SLAIN2: variants seen among roughly 807,000 people sequenced by gnomAD.
SLAIN2 encodes SLAIN motif-containing protein 2.
A neutral mutation model predicts 56.6 loss-of-function variants in SLAIN2; 31 were observed. That is an observed-to-expected ratio of 0.55 (90% confidence interval 0.41 to 0.74). SLAIN2 has a LOEUF of 0.74. Ranked by LOEUF, SLAIN2 falls within the 30% of genes least tolerant of loss-of-function variation. The probability of loss-of-function intolerance (pLI) is 0.00; values close to 1 mark genes in which losing one functional copy is unlikely to be tolerated. For synonymous variants in SLAIN2, 317 were observed against 284.9 expected (o/e 1.11, Z -1.13); for missense variants, 777 against 754.2 (o/e 1.03, Z -0.35).
rs576805291 is a variant in SLAIN2 at position 48,413,623 on chromosome 4, G to T, written c.1361-6502G>T. Reference sequence around the variant, plus strand: ...TATAGTAAGGGATCGTTGACAAGGAGATATTTTTGTCCTTCATTTGTTAAT... The same window carrying T: ...TATAGTAAGGGATCGTTGACAAGGATATATTTTTGTCCTTCATTTGTTAAT... On this transcript the variant is annotated intron_variant, in intron 6 of 7. Transcript: ENST00000264313. 1.2e-3 allele frequency among the ~76,000 whole-genome samples: 179 copies of T among 152,270 alleles called. 1 individual carries two copies. Among genetic ancestry groups the T allele is most frequent in the African/African-American group, 4.2e-3 (173 of 41,566 alleles).
At chr4:48,409,184 A>C (rs1034208754) in intron 6 of SLAIN2, among the ~76,000 whole-genome samples, 5 of 152,234 alleles carry the variant, frequency 3.3e-5, no homozygotes, top group Non-Finnish European at 1.5e-5. Context: ...CCTTTGTGTT[A>C]CAGACAATCC....
At chr4:48,360,443 T>C (rs1280246114) in intron 1 of SLAIN2, among the ~76,000 whole-genome samples, 1 of 151,518 alleles carries the variant, frequency 6.6e-6, no homozygotes. Flanking sequence ...ATACAAACAT[T>C]AGCCAGCATG....
intron 6 of SLAIN2, among the ~76,000 whole-genome samples, chr4:48,388,380 G>A (rs1716152860): frequency 6.6e-6 from 1 of 152,132 alleles, no homozygotes; most frequent in Non-Finnish European, 1.5e-5. Flanking sequence ...GACTGTTAAA[G>A]CACAGGTTTA....
intron 6 of SLAIN2, among the ~76,000 whole-genome samples, chr4:48,384,765 A>C (rs1214567838): frequency 6.6e-6 from 1 of 152,220 alleles, no homozygotes; most frequent in Non-Finnish European, 1.5e-5. Flanking sequence ...ATGTTAAATC[A>C]ATACAGGCAT....
chr4:48,414,209 A>G (rs964582932), intron 6 of SLAIN2, among the ~76,000 whole-genome samples: 13 of 152,306 alleles, frequency 8.5e-5, no homozygotes, highest in African/African-American at 3.1e-4. Flanking sequence ...AAGAGTAAAG[A>G]GAAATTATAA....
chr4:48,386,275 C>T (rs3828496), intron 6 of SLAIN2, among the ~76,000 whole-genome samples: 63,585 of 151,828 alleles, frequency 0.42, 13,876 homozygotes, highest in African/African-American at 0.53. Context: ...GAAGGAGGTA[C>T]GATTATTACC....
Position 48,425,297 on chromosome 4 carries a change from T to TA in SLAIN2, c.*3221dup, listed in dbSNP as rs1304802206. On this transcript the variant is annotated 3_prime_UTR_variant, in exon 8 of 8. Coordinates refer to ENST00000264313, the MANE Select transcript of SLAIN2 (RefSeq NM_020846.2). ...AACTTTTTTACCTGCTGTGAATTGA[T>TA]ACCTAGTTATAAAAAGCTAGCATTT... is the stretch of plus-strand genomic sequence containing the variant. 6.6e-6 allele frequency: 1 copy of TA among 152,142 alleles called. No individual in the cohort carries two copies. The highest frequency in any genetic ancestry group is 6.6e-5 in the Admixed American group (1 of 15,260). 9.4% of individuals were successfully genotyped at this position (152,142 alleles called of 1,614,324 possible). A position where few individuals can be genotyped will look rare whatever the true frequency, so the allele number is the denominator to read the frequency against.
At position 48,424,755 on chromosome 4, in the gene SLAIN2, C is replaced by G. The variant is rs1434501978; in HGVS notation, c.*2678C>G. The G allele has an allele frequency of 6.6e-6, 1 of 151,132 alleles. No homozygotes were observed. Among genetic ancestry groups the G allele is most frequent in the African/African-American group, 2.4e-5 (1 of 41,126 alleles). The allele number at this position is 151,132 out of a possible 1,614,324, so 9.4% of individuals were successfully genotyped here. On this transcript the variant is annotated 3_prime_UTR_variant, in exon 8 of 8. Coordinates refer to ENST00000264313, the MANE Select transcript of SLAIN2 (RefSeq NM_020846.2). ...GATACTTTTTAAAATTATCTCAATA[C>G]ATCACTTTTATAAAAAAAAAAAGTT...
intron 6 of SLAIN2, among the ~76,000 whole-genome samples, chr4:48,411,183 G>A (rs1716835391): frequency 6.6e-6 from 1 of 152,132 alleles, no homozygotes; most frequent in Admixed American, 6.5e-5. Flanking sequence ...GAGAAGGGGA[G>A]GATAAGTAGG....
At chr4:48,412,365 T>TACACACACACACACACAC (rs748099130) in intron 6 of SLAIN2, among the ~76,000 whole-genome samples, 15 of 112,986 alleles carry the variant, frequency 1.3e-4, no homozygotes, top group Non-Finnish European at 9.3e-5. Context: ...TTTGTATATG[T>TACACACACACACACACAC]ACACACACAC....
intron 6 of SLAIN2, among the ~76,000 whole-genome samples, chr4:48,412,389 C>G (rs1716881738): frequency 1.2e-5 from 1 of 81,556 alleles, no homozygotes. Flanking sequence ...CACACACACA[C>G]ACACACACAC....
intron 4 of SLAIN2, among the ~76,000 whole-genome samples, chr4:48,380,266 T>C (rs1434584815): frequency 6.6e-6 from 1 of 152,066 alleles, no homozygotes; most frequent in Non-Finnish European, 1.5e-5. Context: ...TCTCCCACAC[T>C]CCCCATGAAA....
chr4:48,408,191 A>G (rs1716749430), intron 6 of SLAIN2, among the ~76,000 whole-genome samples: 1 of 152,056 alleles, frequency 6.6e-6, no homozygotes, highest in Non-Finnish European at 1.5e-5. Flanking sequence ...ATAGACAGGC[A>G]TGGTGGCACG....
At chr4:48,377,817 C>G in intron 2 of SLAIN2, 79 bp from the exon 3 acceptor site, 1 of 1,343,492 alleles carries the variant, frequency 7.4e-7, no homozygotes, top group Non-Finnish European at 1.0e-6. Flanking sequence ...ATTTAGTTTT[C>G]TAATAGGAAA....
chr4:48,402,603 A>C (rs895505278), intron 6 of SLAIN2, among the ~76,000 whole-genome samples: 2 of 152,078 alleles, frequency 1.3e-5, no homozygotes, highest in South Asian at 4.1e-4. Context: ...TTTCAGCTCC[A>C]TCAGGTCAGT....
In SLAIN2 at chr4:48,425,487, TGTTTAATGA is replaced by T. The variant is rs1717277222; in HGVS notation, c.*3414_*3422del. On this transcript the variant is annotated 3_prime_UTR_variant, in exon 8 of 8. Transcript: ENST00000264313. The stretch of plus-strand genomic sequence containing the variant: ...GATGGAAAAATCAAGAATTGTACAC[TGTTTAATGA>T]GTTCTCCATATTCCTTTAGGAGATA... 4 of 152,290 alleles carry T rather than the reference TGTTTAATGA, an allele frequency of 2.6e-5. No homozygotes were observed. The highest frequency in any genetic ancestry group is 2.6e-4 in the Admixed American group (4 of 15,298). The allele number at this position is 152,290 out of a possible 1,614,324, so 9.4% of individuals were successfully genotyped here.
rs780541833 is a variant in SLAIN2, at chr4:48,342,107, G to GGGA, written c.382_384dup (p.Glu128dup). 9.6e-6 allele frequency: 13 copies of GGGA among 1,349,896 alleles called. No individual in the cohort carries two copies. The highest frequency in any genetic ancestry group is 3.6e-5 in the South Asian group (2 of 55,682). The allele number at this position is 1,349,896 out of a possible 1,614,324, so 83.6% of individuals were successfully genotyped here. A position where few individuals can be genotyped will look rare whatever the true frequency, so the allele number is the denominator to read the frequency against. ...GACGAGCTGGAGCGCCTGTCAGGCT[G>GGGA]GGAGGAGGAGGAGGAGAGCTGGTGA... is the stretch of plus-strand genomic sequence containing the variant. On this transcript the variant is annotated inframe_insertion, in exon 1 of 8. Transcript: ENST00000264313.
At position 48,342,147 on chromosome 4, in the gene SLAIN2, G is replaced by A; in HGVS notation, c.389+19G>A. 1 of 1,338,536 alleles carries A rather than the reference G, an allele frequency of 7.5e-7. No individual in the cohort carries two copies. Among genetic ancestry groups the A allele is most frequent in the Non-Finnish European group, 9.5e-7 (1 of 1,050,404 alleles). 82.9% of individuals were successfully genotyped at this position (1,338,536 alleles called of 1,614,324 possible). On this transcript the variant is annotated intron_variant, in intron 1 of 7. Coordinates refer to ENST00000264313, the MANE Select transcript of SLAIN2 (RefSeq NM_020846.2). Reference sequence around the variant, plus strand: ...AGAGCTGGTGAGCGCGAGGCGCCGGGCAGGAGCTGGGCGGGGACGGGCCCG... The same window carrying A: ...AGAGCTGGTGAGCGCGAGGCGCCGGACAGGAGCTGGGCGGGGACGGGCCCG...
intron 2 of SLAIN2, among the ~76,000 whole-genome samples, chr4:48,377,221 C>T (rs1307646302): frequency 3.3e-5 from 5 of 151,724 alleles, no homozygotes; most frequent in East Asian, 1.9e-4. Context: ...CTCACTCTGT[C>T]GCCCAGGCTG....
Sources: allele counts gnomAD v4.1 joint callset (sites outside exome capture counted in the v4.1 genomes callset), GRCh38; gene constraint gnomAD v4.1.1; transcripts MANE v1.5; gene names NCBI Gene and HGNC (gene_info 2026-07-23, HGNC 2026-07-21).